RAB38: variants seen among roughly 807,000 people sequenced by gnomAD.
The protein encoded by RAB38 is ras-related protein Rab-38.
Under a neutral mutation model 18.4 loss-of-function variants are expected in RAB38, and 15 were observed. That is an observed-to-expected ratio of 0.82 (90% confidence interval 0.55 to 1.26). The LOEUF (loss-of-function observed/expected upper bound fraction) is 1.26. RAB38 is among the 50% of genes most tolerant of loss of function. The pLI, the probability that RAB38 is intolerant of heterozygous loss-of-function variation, is 0.00. For missense variants in RAB38, 294 were observed against 267.4 expected (o/e 1.10, Z -0.69); for synonymous variants, 101 against 104.4 (o/e 0.97, Z 0.20).
At chr11:87,862,367 GA>G in the RAB38 span, among the ~76,000 whole-genome samples, 1 of 151,938 alleles carries the variant, frequency 6.6e-6, no homozygotes, top group African/African-American at 2.4e-5. Flanking sequence ...CTGGGGCATG[GA>G]TGGGGGTGGA....
chr11:87,836,634 G>T, the RAB38 span, among the ~76,000 whole-genome samples: 1 of 152,078 alleles, frequency 6.6e-6, no homozygotes, highest in African/African-American at 2.4e-5. Context: ...TCTATGTGCA[G>T]GTTGGTTCTG....
At chr11:87,931,354 A>T in the RAB38 span, among the ~76,000 whole-genome samples, 26,794 of 152,050 alleles carry the variant, frequency 0.18, 2,934 homozygotes, top group African/African-American at 0.31. Context: ...ACCTACTGTC[A>T]TCCTTATTGC....
At chr11:87,976,481 T>C in the RAB38 span, among the ~76,000 whole-genome samples, 1 of 119,518 alleles carries the variant, frequency 8.4e-6, no homozygotes, top group Non-Finnish European at 1.6e-5. Flanking sequence ...TATAGTTATA[T>C]ATTTTTATAT....
chr11:87,839,203 T>C, the RAB38 span, among the ~76,000 whole-genome samples: 1 of 152,246 alleles, frequency 6.6e-6, no homozygotes, highest in East Asian at 1.9e-4. Flanking sequence ...CTTATAAATG[T>C]GTTAATAGAT....
At chr11:88,014,931 G>C in the RAB38 span, among the ~76,000 whole-genome samples, 1 of 152,098 alleles carries the variant, frequency 6.6e-6, no homozygotes, top group East Asian at 1.9e-4. Context: ...GCAACCTCTG[G>C]AAAGTTGTGG....
chr11:88,035,707 AT>A, the RAB38 span, among the ~76,000 whole-genome samples: 4 of 152,208 alleles, frequency 2.6e-5, no homozygotes, highest in Non-Finnish European at 4.4e-5. Flanking sequence ...AATACCTCAA[AT>A]TTGGTTGACT....
intron 1 of RAB38, among the ~76,000 whole-genome samples, chr11:88,158,169 A>G (rs747419379): frequency 1.3e-5 from 2 of 152,172 alleles, no homozygotes; most frequent in Non-Finnish European, 2.9e-5. Flanking sequence ...CAAACACACT[A>G]GAAAATTTAG....
chr11:88,106,590 G>A, the RAB38 span, among the ~76,000 whole-genome samples: 1 of 152,044 alleles, frequency 6.6e-6, no homozygotes, highest in Non-Finnish European at 1.5e-5. Flanking sequence ...ACTGCATTTA[G>A]GTATATACTG....
At chr11:88,125,243 G>A (rs1166007368) in intron 2 of RAB38, among the ~76,000 whole-genome samples, 2 of 152,070 alleles carry the variant, frequency 1.3e-5, no homozygotes, top group South Asian at 2.1e-4. Flanking sequence ...CAAAACTGGT[G>A]CCCAACCAAT....
chr11:87,977,488 A>G, the RAB38 span, among the ~76,000 whole-genome samples: 2 of 45,346 alleles, frequency 4.4e-5, no homozygotes, highest in Non-Finnish European at 8.0e-5. Context: ...ATAATTATAT[A>G]TAATATAATT....
At chr11:87,976,817 ATACAATG>A in the RAB38 span, among the ~76,000 whole-genome samples, 7 of 78,402 alleles carry the variant, frequency 8.9e-5, no homozygotes, top group Admixed American at 7.3e-4. Context: ...ATTATATATT[ATACAATG>A]TATAATATAA....
At chr11:87,880,611 A>G in the RAB38 span, among the ~76,000 whole-genome samples, 1 of 151,774 alleles carries the variant, frequency 6.6e-6, no homozygotes, top group East Asian at 2.0e-4. Flanking sequence ...TTTTGGGGAG[A>G]AGAGTCACTT....
chr11:87,833,589 C>T, the RAB38 span, among the ~76,000 whole-genome samples: 1 of 152,148 alleles, frequency 6.6e-6, no homozygotes, highest in East Asian at 1.9e-4. Context: ...GTTCTAAAAA[C>T]TTGAAATATA....
the RAB38 span, among the ~76,000 whole-genome samples, chr11:88,058,408 G>A: frequency 6.6e-6 from 1 of 152,158 alleles, no homozygotes; most frequent in African/African-American, 2.4e-5. Context: ...GCAACTTTGA[G>A]AATCTACTTC....
At chr11:88,147,840 C>G (rs1943010520) in intron 2 of RAB38, among the ~76,000 whole-genome samples, 1 of 152,002 alleles carries the variant, frequency 6.6e-6, no homozygotes, top group African/African-American at 2.4e-5. Flanking sequence ...TTGCAGTGAG[C>G]CGAGACCATG....
At chr11:87,814,750 T>TG in the RAB38 span, among the ~76,000 whole-genome samples, 1 of 151,966 alleles carries the variant, frequency 6.6e-6, no homozygotes, top group African/African-American at 2.4e-5. Flanking sequence ...CTTTTTTTTT[T>TG]TGAGACAGAG....
the RAB38 span, among the ~76,000 whole-genome samples, chr11:87,862,402 C>T: frequency 6.6e-6 from 1 of 151,838 alleles, no homozygotes; most frequent in Non-Finnish European, 1.5e-5. Flanking sequence ...AGCAAATTAA[C>T]ACAGCACAGC....
the RAB38 span, among the ~76,000 whole-genome samples, chr11:88,044,394 C>T: frequency 3.8e-3 from 584 of 152,156 alleles, 3 homozygotes; most frequent in African/African-American, 0.013. Context: ...TCTGGGCTTG[C>T]CTCCTTCACT....
the RAB38 span, among the ~76,000 whole-genome samples, chr11:87,959,023 G>A: frequency 6.6e-6 from 1 of 152,078 alleles, no homozygotes; most frequent in African/African-American, 2.4e-5. Flanking sequence ...TCCTTCTGCG[G>A]AACTGAAAGC....
Sources: allele counts gnomAD v4.1 joint callset (sites outside exome capture counted in the v4.1 genomes callset), GRCh38; gene constraint gnomAD v4.1.1; transcripts MANE v1.5; gene names NCBI Gene and HGNC (gene_info 2026-07-23, HGNC 2026-07-21).